COL21A1: variants seen among roughly 807,000 people sequenced by gnomAD.
The protein encoded by COL21A1 is collagen type XXI alpha 1 chain.
Under a neutral mutation model 137.9 loss-of-function variants are expected in COL21A1, and 149 were observed. The ratio of observed to expected loss-of-function variants is 1.08; its 90% CI spans 0.95 to 1.24. The LOEUF is 1.24. Ranked by LOEUF, COL21A1 falls within the 50% of genes most tolerant of loss-of-function variation. The pLI, the probability that COL21A1 is intolerant of heterozygous loss-of-function variation, is 0.00. For missense variants in COL21A1, 1,167 were observed against 1,158.4 expected (o/e 1.01, Z -0.11); for synonymous variants, 456 against 391.5 (o/e 1.16, Z -1.95).
At chr6:56,191,743 G>A (rs1212567711) in intron 1 of COL21A1, among the ~76,000 whole-genome samples, 3 of 152,056 alleles carry the variant, frequency 2.0e-5, no homozygotes, top group Non-Finnish European at 4.4e-5. Flanking sequence ...AATAAGAGAG[G>A]ACACAAACGA....
chr6:56,230,076 C>T (rs7776118), intron 1 of COL21A1, among the ~76,000 whole-genome samples: 86,274 of 151,716 alleles, frequency 0.57, 24,754 homozygotes, highest in East Asian at 0.77. Flanking sequence ...ATTTGGTATA[C>T]ATATTTCGAA....
intron 1 of COL21A1, among the ~76,000 whole-genome samples, chr6:56,346,607 G>A (rs1765602746): frequency 6.6e-6 from 1 of 152,022 alleles, no homozygotes. Flanking sequence ...TTTATTATAA[G>A]CCCTCTCGTT....
At chr6:56,261,747 G>C (rs1763281994) in intron 1 of COL21A1, among the ~76,000 whole-genome samples, 2 of 152,142 alleles carry the variant, frequency 1.3e-5, no homozygotes, top group Non-Finnish European at 2.9e-5. Flanking sequence ...AATTATGGTG[G>C]GCTTAAATCA....
intron 16 of COL21A1, among the ~76,000 whole-genome samples, chr6:56,112,912 G>A (rs1771578840): frequency 6.6e-6 from 1 of 152,046 alleles, no homozygotes; most frequent in Admixed American, 6.5e-5. Flanking sequence ...TCAAACTCCT[G>A]ACCTCAGGTG....
At chr6:56,240,002 G>C (rs557031278) in intron 1 of COL21A1, among the ~76,000 whole-genome samples, 2 of 152,172 alleles carry the variant, frequency 1.3e-5, no homozygotes, top group African/African-American at 4.8e-5. Context: ...TGTTCTCATG[G>C]GGTTGAATAA....
chr6:56,169,589 AC>A (rs991384315), intron 5 of COL21A1, among the ~76,000 whole-genome samples: 1 of 151,850 alleles, frequency 6.6e-6, no homozygotes, highest in African/African-American at 2.4e-5. Flanking sequence ...CTAAATAAAA[AC>A]CCTGCATTTT....
intron 16 of COL21A1, 73 bp from the exon 17 acceptor site, chr6:56,101,598 C>T: frequency 2.0e-6 from 2 of 1,007,200 alleles, no homozygotes; most frequent in Non-Finnish European, 3.0e-6. Context: ...CAATATATAA[C>T]ATTACATATT....
chr6:56,252,418 G>C (rs1033335305), upstream of COL21A1, among the ~76,000 whole-genome samples: 1 of 152,094 alleles, frequency 6.6e-6, no homozygotes, highest in Admixed American at 6.5e-5. Flanking sequence ...AGTGCCCTCT[G>C]GTTGCAAGCA....
At position 56,056,601 on chromosome 6, in the gene COL21A1, C is replaced by T. The variant is rs973788986; in HGVS notation, c.*1056G>A. The stretch of plus-strand genomic sequence containing the variant: ...AAAAGACATTGTAATCAGGCCTGTA[C>T]AAAACTTTATTATACTCTGAATAAC... On this transcript the variant is annotated 3_prime_UTR_variant, in exon 30 of 30. Coordinates refer to ENST00000244728, the MANE Select transcript of COL21A1 (RefSeq NM_030820.4). 4 of 152,186 alleles carry T rather than the reference C, an allele frequency of 2.6e-5. No homozygotes were observed. Among genetic ancestry groups the T allele is most frequent in the African/African-American group, 7.2e-5 (3 of 41,526 alleles). The allele number at this position is 152,186 out of a possible 1,614,324, so 9.4% of individuals were successfully genotyped here. A position where few individuals can be genotyped will look rare whatever the true frequency, so the allele number is the denominator to read the frequency against.
chr6:56,061,757 A>T, intron 24 of COL21A1, 76 bp from the exon 25 acceptor site: 1 of 916,186 alleles, frequency 1.1e-6, no homozygotes, highest in Non-Finnish European at 1.6e-6. Flanking sequence ...CTTTTACCAC[A>T]TACTTAATTA....
intron 1 of COL21A1, among the ~76,000 whole-genome samples, chr6:56,325,535 TA>T (rs1321522959): frequency 0.027 from 61 of 2,242 alleles, 22 homozygotes; most frequent in Non-Finnish European, 0.095. Flanking sequence ...ATATTATATA[TA>T]AATATATAAT....
At chr6:56,061,596 CA>C in intron 25 of COL21A1, 52 bp downstream of exon 25, 1 of 1,332,018 alleles carries the variant, frequency 7.5e-7, no homozygotes, top group Non-Finnish European at 1.1e-6. Flanking sequence ...GAAACCCAAG[CA>C]AAAAGGACCG....
At chr6:56,264,762 C>CTAAATTTAAT in intron 1 of COL21A1, among the ~76,000 whole-genome samples, 1 of 152,162 alleles carries the variant, frequency 6.6e-6, no homozygotes, top group Non-Finnish European at 1.5e-5. Flanking sequence ...TAAATTTAAT[C>CTAAATTTAAT]CATATCATCT....
chr6:56,125,404 CT>C (rs2152213339), intron 14 of COL21A1, 162 bp downstream of exon 14: 2 of 451,788 alleles, frequency 4.4e-6, no homozygotes, highest in South Asian at 6.8e-5. Flanking sequence ...GTCACCAGCT[CT>C]TTTTTTCTTT....
At chr6:56,184,767 T>C (rs1431864130) in intron 1 of COL21A1, among the ~76,000 whole-genome samples, 4 of 152,192 alleles carry the variant, frequency 2.6e-5, no homozygotes, top group African/African-American at 9.6e-5. Context: ...CGATGGCATC[T>C]GGATATGAAG....
chr6:56,365,173 C>T (rs72875542), intron 1 of COL21A1, among the ~76,000 whole-genome samples: 4,680 of 152,242 alleles, frequency 0.031, 115 homozygotes, highest in Non-Finnish European at 0.048. Context: ...AAACCTCTCC[C>T]CCACATTTTC....
chr6:56,276,410 C>A, intron 1 of COL21A1: 1 of 562,844 alleles, frequency 1.8e-6, no homozygotes, highest in Non-Finnish European at 3.1e-6. Context: ...AAAAGGTTTC[C>A]TGTTTTGATC....
At chr6:56,100,224 C>A (rs1383942863) in intron 17 of COL21A1, among the ~76,000 whole-genome samples, 1 of 152,172 alleles carries the variant, frequency 6.6e-6, no homozygotes, top group African/African-American at 2.4e-5. Flanking sequence ...CAGATGAGTT[C>A]TCTCTTTCCT....
intron 1 of COL21A1, among the ~76,000 whole-genome samples, chr6:56,222,864 A>T (rs986991016): frequency 2.6e-5 from 4 of 152,132 alleles, no homozygotes; most frequent in African/African-American, 7.2e-5. Context: ...ACTGAAGCCT[A>T]CTTGGTGGCT....
Sources: gnomAD v4.1 joint callset for allele counts (sites outside exome capture counted in the v4.1 genomes callset) on GRCh38, gnomAD v4.1.1 for gene constraint, MANE v1.5 for transcripts, NCBI Gene and HGNC (gene_info 2026-07-23, HGNC 2026-07-21) for gene names.